The following PARD3B variants were observed in gnomAD, a reference collection of about 807,000 sequenced individuals.
The protein encoded by PARD3B is par-3 family cell polarity regulator beta, also known as partitioning defective 3 homolog B.
PARD3B carries 103 observed loss-of-function variants against 130.2 expected under a neutral mutation model. The ratio of observed to expected loss-of-function variants is 0.79; its 90% CI spans 0.67 to 0.93. The LOEUF is 0.93. PARD3B is among the 40% of genes least tolerant of loss of function. PARD3B has a pLI of 0.00. For synonymous variants in PARD3B, 583 were observed against 553.2 expected (o/e 1.05, Z -0.76); for missense variants, 1,609 against 1,499.2 (o/e 1.07, Z -1.21).
intron 1 of PARD3B, among the ~76,000 whole-genome samples, chr2:204,565,029 G>A (rs1262481532): frequency 1.3e-5 from 2 of 152,288 alleles, no homozygotes; most frequent in East Asian, 3.9e-4. Flanking sequence ...TCATCTGGAG[G>A]CTTGACTGGG....
At position 204,669,396 on chromosome 2, in the gene PARD3B, C is replaced by T. The variant is rs942615993; in HGVS notation, c.121-16785C>T. Among the ~76,000 whole-genome samples, 2 of 152,032 alleles carry T rather than the reference C, an allele frequency of 1.3e-5. No homozygotes were observed. Among genetic ancestry groups the T allele is most frequent in the East Asian group, 3.8e-4 (2 of 5,196 alleles). ...TGAATGTGATTATATCCACTTTTAT[C>T]AATATATAATTATTATCTAAGTACA... On this transcript the variant is annotated intron_variant, in intron 1 of 22. Transcript: ENST00000406610. The surrounding 1 kb of genome is among the most constrained non-coding windows in gnomAD (Gnocchi z 4.3).
At chr2:204,547,223 G>A (rs2030043270) in intron 1 of PARD3B, among the ~76,000 whole-genome samples, 1 of 152,164 alleles carries the variant, frequency 6.6e-6, no homozygotes, top group African/African-American at 2.4e-5. Flanking sequence ...TAGCTTAGGG[G>A]TTTAAGAAAA....
chr2:205,609,583 C>A (rs959731274), intron 22 of PARD3B, among the ~76,000 whole-genome samples: 17 of 152,156 alleles, frequency 1.1e-4, no homozygotes, highest in African/African-American at 3.9e-4. Context: ...GTTTTGGCTG[C>A]TAATCACACA....
intron 1 of PARD3B, among the ~76,000 whole-genome samples, chr2:204,632,482 G>A (rs2034715123): frequency 6.6e-6 from 1 of 152,054 alleles, no homozygotes; most frequent in Admixed American, 6.5e-5. Context: ...GGTATTTGTG[G>A]TTTTTTAAAT....
intron 2 of PARD3B, among the ~76,000 whole-genome samples, chr2:204,755,266 A>C (rs138253293): frequency 1.3e-5 from 2 of 152,232 alleles, no homozygotes; most frequent in East Asian, 3.9e-4. Context: ...TAGTGTTCAG[A>C]TTTGATTGGA....
At chr2:204,727,059 G>C (rs899071045) in intron 2 of PARD3B, among the ~76,000 whole-genome samples, 2 of 152,120 alleles carry the variant, frequency 1.3e-5, no homozygotes, top group Non-Finnish European at 2.9e-5. Flanking sequence ...GAAACTCTTT[G>C]AACAGTTTGA....
intron 4 of PARD3B, among the ~76,000 whole-genome samples, chr2:205,076,182 G>A (rs1701050546): frequency 6.6e-6 from 1 of 152,116 alleles, no homozygotes; most frequent in African/African-American, 2.4e-5. Context: ...AAGCTGTCTG[G>A]TTAACTATAG....
chr2:204,657,653 T>A (rs2035681710), intron 1 of PARD3B, among the ~76,000 whole-genome samples: 2 of 152,232 alleles, frequency 1.3e-5, no homozygotes, highest in Admixed American at 1.3e-4. Context: ...CCATACGTTT[T>A]CAGGTAATCC....
chr2:204,772,778 ATGAT>A (rs964158391), intron 2 of PARD3B, among the ~76,000 whole-genome samples: 2 of 152,198 alleles, frequency 1.3e-5, no homozygotes, highest in Non-Finnish European at 2.9e-5. Flanking sequence ...CAAATGGAAA[ATGAT>A]TGTATTTTGT....
intron 19 of PARD3B, among the ~76,000 whole-genome samples, chr2:205,433,540 A>G (rs2047409416): frequency 1.3e-5 from 2 of 151,504 alleles, no homozygotes; most frequent in Middle Eastern, 6.8e-3. Context: ...GTCAAAAAAA[A>G]AAAAAAAAAA....
intron 20 of PARD3B, among the ~76,000 whole-genome samples, chr2:205,447,672 C>T (rs941044966): frequency 8.5e-5 from 13 of 152,180 alleles, no homozygotes; most frequent in South Asian, 2.1e-4. Flanking sequence ...CCACCGCACC[C>T]GGCTGATTTA....
chr2:204,576,893 T>C (rs1275516489), intron 1 of PARD3B, among the ~76,000 whole-genome samples: 2 of 152,218 alleles, frequency 1.3e-5, no homozygotes, highest in African/African-American at 2.4e-5. Context: ...GAGCAATTAC[T>C]GTGAATCCAC....
intron 15 of PARD3B, among the ~76,000 whole-genome samples, chr2:205,242,792 T>G (rs2039406420): frequency 6.6e-6 from 1 of 152,180 alleles, no homozygotes; most frequent in Non-Finnish European, 1.5e-5. Flanking sequence ...CAAAGTGCTT[T>G]TGTACATTTT....
intron 18 of PARD3B, among the ~76,000 whole-genome samples, chr2:205,348,601 A>G (rs1389004505): frequency 6.6e-6 from 1 of 152,186 alleles, no homozygotes; most frequent in African/African-American, 2.4e-5. Flanking sequence ...GAGTTACCTA[A>G]AATATCGGTT....
At chr2:204,911,482 C>G (rs2047234010) in intron 2 of PARD3B, among the ~76,000 whole-genome samples, 1 of 152,210 alleles carries the variant, frequency 6.6e-6, no homozygotes, top group African/African-American at 2.4e-5. Context: ...GACAGAAGCT[C>G]ATCAAACATC....
intron 1 of PARD3B, among the ~76,000 whole-genome samples, chr2:204,615,396 ACACACATTGGT>A (rs1216680325): frequency 6.6e-5 from 10 of 152,202 alleles, no homozygotes; most frequent in African/African-American, 2.4e-4. Flanking sequence ...ACTTGTTATA[ACACACATTGGT>A]CATTTGAAAA....
intron 1 of PARD3B, among the ~76,000 whole-genome samples, chr2:204,571,705 A>G (rs562644455): frequency 3.9e-5 from 6 of 152,344 alleles, no homozygotes; most frequent in African/African-American, 1.4e-4. Flanking sequence ...ATCCATTATA[A>G]TGCCTTAAAT....
At chr2:205,063,537 C>G (rs1700182207) in intron 4 of PARD3B, among the ~76,000 whole-genome samples, 1 of 152,092 alleles carries the variant, frequency 6.6e-6, no homozygotes, top group Admixed American at 6.6e-5. Flanking sequence ...ATCCGTGTAA[C>G]TCAGCAGTTG....
At chr2:204,740,296 A>G (rs2039952531) in intron 2 of PARD3B, among the ~76,000 whole-genome samples, 1 of 152,024 alleles carries the variant, frequency 6.6e-6, no homozygotes, top group Non-Finnish European at 1.5e-5. Context: ...GGCTGGAATT[A>G]CAAGTGTGAG....
Sources: gnomAD v4.1 joint callset for allele counts (sites outside exome capture counted in the v4.1 genomes callset) on GRCh38, gnomAD v4.1.1 for gene constraint, Gnocchi (gnomAD v3.1) non-coding constraint, MANE v1.5 for transcripts, NCBI Gene and HGNC (gene_info 2026-07-23, HGNC 2026-07-21) for gene names.